URB1: variants seen among roughly 807,000 people sequenced by gnomAD.
URB1 encodes the protein URB1 ribosome biogenesis factor.
Under a neutral mutation model 242.3 loss-of-function variants are expected in URB1, and 197 were observed. The observed-to-expected ratio is 0.81, with a 90% CI of 0.72 to 0.91. The LOEUF is 0.91. Among genes scored for constraint, URB1 ranks in the 40% least tolerant of loss-of-function variants. The probability of loss-of-function intolerance (pLI) is 0.00; values close to 1 mark genes in which losing one functional copy is unlikely to be tolerated. For synonymous variants in URB1, 1,153 were observed against 1,201.8 expected, an observed-to-expected ratio of 0.96 and a Z score of 0.84; for missense variants, 2,721 against 2,860.5, an observed-to-expected ratio of 0.95 and a Z score of 1.11.
intron 6 of URB1, 80 bp downstream of exon 6, chr21:32,375,318 A>C: frequency 1.1e-6 from 1 of 869,990 alleles, no homozygotes; most frequent in Non-Finnish European, 1.7e-6. Flanking sequence ...TTGTAGCTCT[A>C]CAGTCCTGTA....
intron 21 of URB1, among the ~76,000 whole-genome samples, 174 bp from the exon 22 acceptor site, chr21:32,347,985 C>T (rs2033113473): frequency 6.6e-6 from 1 of 152,240 alleles, no homozygotes; most frequent in South Asian, 2.1e-4. Context: ...GTGCCCAAGG[C>T]ATCGCAGCCA....
At chr21:32,325,614 A>C (rs1230964125) in intron 30 of URB1, among the ~76,000 whole-genome samples, 1 of 152,226 alleles carries the variant, frequency 6.6e-6, no homozygotes, top group East Asian at 1.9e-4. Context: ...TAAAATGCTC[A>C]TACATCCCAA....
chr21:32,387,935 C>G (rs2833797), intron 1 of URB1, among the ~76,000 whole-genome samples: 20,275 of 152,208 alleles, frequency 0.13, 1,644 homozygotes, highest in African/African-American at 0.23. Context: ...GTTCAGGTCA[C>G]TCTCTATGTT....
chr21:32,343,781 C>CTA (rs1456911331), intron 24 of URB1, among the ~76,000 whole-genome samples: 1 of 152,010 alleles, frequency 6.6e-6, no homozygotes, highest in Non-Finnish European at 1.5e-5. Context: ...TTTGTGAAAA[C>CTA]TATAAACCTA....
intron 6 of URB1, among the ~76,000 whole-genome samples, chr21:32,374,562 A>T (rs971915821): frequency 2.0e-5 from 3 of 152,210 alleles, no homozygotes; most frequent in African/African-American, 7.2e-5. Context: ...AGCACTGAAC[A>T]CCATTGTTTT....
intron 30 of URB1, among the ~76,000 whole-genome samples, chr21:32,330,150 G>A (rs2282099): frequency 0.55 from 83,085 of 150,170 alleles, 27,956 homozygotes; most frequent in Non-Finnish European, 0.75. Context: ...CGTTTGGGAT[G>A]ACAAGATGCT....
chr21:32,356,091 T>C (rs2033216885), intron 15 of URB1, among the ~76,000 whole-genome samples: 1 of 152,174 alleles, frequency 6.6e-6, no homozygotes, highest in Non-Finnish European at 1.5e-5. Context: ...TCAAAGACAA[T>C]ATAATCTGGC....
chr21:32,337,264 T>A (rs1029088340), intron 27 of URB1, 107 bp from the exon 28 acceptor site: 23 of 1,363,526 alleles, frequency 1.7e-5, no homozygotes, highest in African/African-American at 5.8e-5. Flanking sequence ...CCGGTCCTCA[T>A]ATCTTCACCC....
chr21:32,340,042 T>C (rs1228837294), intron 25 of URB1, among the ~76,000 whole-genome samples: 1 of 152,164 alleles, frequency 6.6e-6, no homozygotes, highest in Non-Finnish European at 1.5e-5. Context: ...AAAGAAAGTG[T>C]TTTTCAGTCC....
chr21:32,353,283 A>G (rs528290918), intron 18 of URB1, among the ~76,000 whole-genome samples: 6 of 152,298 alleles, frequency 3.9e-5, no homozygotes, highest in African/African-American at 1.4e-4. Context: ...CTTCCAGGCC[A>G]TAACACCCCT....
chr21:32,318,250 C>T (rs779630107), intron 36 of URB1, among the ~76,000 whole-genome samples: 7 of 152,190 alleles, frequency 4.6e-5, no homozygotes, highest in Middle Eastern at 3.2e-3. Flanking sequence ...CCAGGCCTGC[C>T]AGTTTCCCTT....
In URB1 at chr21:32,337,489, C is replaced by T. The variant is rs768140980; in HGVS notation, c.4536G>A (p.Thr1512=). 1.9e-5 allele frequency: 30 copies of T among 1,551,404 alleles called. No individual in the cohort carries two copies. Among genetic ancestry groups the T allele is most frequent in the Middle Eastern group, 1.7e-4 (1 of 6,012 alleles). ...VKEALVDLML[T]VVEMCPSVCE... ...AGACAGAGGGGCACATCTCCACCAC[C>T]GTCAGCATCAGGTCCACCAGCGCTT... is the stretch of plus-strand genomic sequence containing the variant. Residue 1512 remains threonine (T), a synonymous_variant, in exon 27 of 39, where the codon ACG becomes ACA. Coordinates refer to ENST00000382751, the MANE Select transcript of URB1 (RefSeq NM_014825.3).
rs534873501 is a variant in URB1 at position 32,378,657 on chromosome 21, T to C, written c.568-116A>G. The C allele has an allele frequency of 1.4e-4, 117 of 810,680 alleles. 1 individual carries two copies. The African/African-American group carries it at 1.6e-3, about 11-fold the overall frequency. The allele number at this position is 810,680 out of a possible 1,614,324, so 50.2% of individuals were successfully genotyped here. ...TCTCAACATCACCAGCCCCCCAGCC[T>C]TGTCCCCAGTCACCAGGGGATGCAA... On this transcript the variant is annotated intron_variant, in intron 4 of 38. Coordinates refer to ENST00000382751, the MANE Select transcript of URB1 (RefSeq NM_014825.3).
Position 32,352,871 on chromosome 21 carries a change from T to C in URB1, c.2452A>G (p.Thr818Ala), listed in dbSNP as rs1175713422. The C allele has an allele frequency of 1.3e-6, 2 of 1,551,292 alleles. No homozygotes were observed. Among genetic ancestry groups the C allele is most frequent in the East Asian group, 4.9e-5 (2 of 40,908 alleles). Residue 818 changes from threonine to alanine, a missense_variant, in exon 19 of 39, where the codon ACT (threonine) becomes GCT (alanine). Transcript: ENST00000382751. The stretch of plus-strand genomic sequence containing the variant: ...TCCCTCTGGGTGTGGAGGAGGTCAG[T>C]CAGCACTGCCGTCAGATATGTCACA... ...NVVTYLTAVLTDLLHTQRDPL... is the reference protein window; with the variant it reads ...NVVTYLTAVLADLLHTQRDPL...
intron 30 of URB1, among the ~76,000 whole-genome samples, chr21:32,330,701 C>T (rs1455197951): frequency 2.0e-5 from 3 of 152,214 alleles, no homozygotes; most frequent in Non-Finnish European, 2.9e-5. Context: ...CACTGAGGCA[C>T]AGGGGAAATC....
chr21:32,381,977 C>T (rs954918015), intron 4 of URB1, among the ~76,000 whole-genome samples: 2 of 152,178 alleles, frequency 1.3e-5, no homozygotes, highest in Non-Finnish European at 2.9e-5. Flanking sequence ...TTACAGATTA[C>T]ACAATGAAAG....
chr21:32,339,236 T>C (rs1445764747), intron 25 of URB1, among the ~76,000 whole-genome samples: 4 of 152,198 alleles, frequency 2.6e-5, no homozygotes, highest in Admixed American at 2.0e-4. Context: ...TCAGGTGAGC[T>C]GCCCACCTCG....
chr21:32,385,818 T>C (rs2033578121), intron 1 of URB1, 134 bp from the exon 2 acceptor site: 4 of 1,216,294 alleles, frequency 3.3e-6, no homozygotes, highest in Non-Finnish European at 4.4e-6. Context: ...CTACTATGAA[T>C]GCTATCAACT....
intron 19 of URB1, among the ~76,000 whole-genome samples, chr21:32,351,414 T>C (rs1386262276): frequency 2.0e-5 from 3 of 152,324 alleles, no homozygotes; most frequent in Middle Eastern, 3.4e-3. Flanking sequence ...ACTGAAGTTA[T>C]TCATTTCTTC....
Sources: gnomAD v4.1 joint callset for allele counts (sites outside exome capture counted in the v4.1 genomes callset) on GRCh38, gnomAD v4.1.1 for gene constraint, MANE v1.5 for transcripts, NCBI Gene and HGNC (gene_info 2026-07-23, HGNC 2026-07-21) for gene names.